ZNF544: variants seen among roughly 807,000 people sequenced by gnomAD.
ZNF544 encodes the protein zinc finger protein 544.
In ZNF544, 10 loss-of-function variants were observed where a neutral mutation model predicts 13.5. The ratio of observed to expected loss-of-function variants is 0.74; its 90% CI spans 0.46 to 1.25. The LOEUF is 1.25. ZNF544 is among the 50% of genes most tolerant of loss of function. The pLI is 0.00. For synonymous variants in ZNF544, 323 were observed against 300.5 expected, an observed-to-expected ratio of 1.07 and a Z score of -0.77; for missense variants, 896 against 845.6, an observed-to-expected ratio of 1.06 and a Z score of -0.74.
intron 3 of ZNF544, among the ~76,000 whole-genome samples, chr19:58,237,790 C>T (rs754971396): frequency 1.6e-4 from 25 of 152,188 alleles, no homozygotes; most frequent in Non-Finnish European, 3.1e-4. Flanking sequence ...GGCCAGTATT[C>T]GGCATGGAGG....
At chr19:58,233,969 C>T (rs2041881659) in intron 3 of ZNF544, among the ~76,000 whole-genome samples, 1 of 152,164 alleles carries the variant, frequency 6.6e-6, no homozygotes, top group Admixed American at 6.6e-5. Context: ...ATTTAGCCTC[C>T]ACTCCCAATT....
intron 3 of ZNF544, among the ~76,000 whole-genome samples, chr19:58,241,181 T>TATTTAAATATATATATATATATATATA (rs60251692): frequency 3.5e-4 from 18 of 51,268 alleles, no homozygotes; most frequent in East Asian, 2.6e-3. Context: ...ATATATATAT[T>TATTTAAATATATATATATATATATATA]TTTTTTTTTT....
chr19:58,274,945 C>T (rs1011089598), intron 5 of ZNF544, among the ~76,000 whole-genome samples: 1 of 151,780 alleles, frequency 6.6e-6, no homozygotes, highest in African/African-American at 2.4e-5. Flanking sequence ...AAAGAAACCA[C>T]AGAATAACAA....
At chr19:58,259,256 A>G (rs2048369476) in intron 6 of ZNF544, 5 of 152,246 alleles carry the variant, frequency 3.3e-5, no homozygotes, top group Admixed American at 2.6e-4. Context: ...GAATGCTTAA[A>G]TAAGTTTTTC....
chr19:58,240,122 T>C (rs2043248658), intron 3 of ZNF544, among the ~76,000 whole-genome samples: 1 of 152,122 alleles, frequency 6.6e-6, no homozygotes, highest in African/African-American at 2.4e-5. Context: ...TAAATTACTT[T>C]GGTTACTCAG....
intron 3 of ZNF544, among the ~76,000 whole-genome samples, chr19:58,236,598 A>G (rs1022274035): frequency 3.3e-5 from 5 of 152,140 alleles, no homozygotes; most frequent in African/African-American, 9.7e-5. Context: ...AGTACAGAGT[A>G]TCTTGTGTGC....
intron 6 of ZNF544, among the ~76,000 whole-genome samples, chr19:58,255,262 G>A (rs1017964484): frequency 4.6e-5 from 7 of 151,724 alleles, no homozygotes; most frequent in African/African-American, 1.5e-4. Context: ...TGCAACCTCC[G>A]CCTCCCGAGT....
rs765622951 is a variant in ZNF544 at position 58,261,418 on chromosome 19, A to T, written c.812A>T (p.Asp271Val). ...GRTFSVKKSDDCKDYGNLFSH... is the reference protein window; with the variant it reads ...GRTFSVKKSDVCKDYGNLFSH... Reference sequence around the variant, plus strand: ...ACTTTTTCAGTGAAGAAAAGTGATGACTGTAAGGATTATGGAAACCTCTTC... The same window carrying T: ...ACTTTTTCAGTGAAGAAAAGTGATGTCTGTAAGGATTATGGAAACCTCTTC... The change falls in exon 7 of 7, where the codon GAC becomes GTC. Residue 271 changes from aspartate to valine, a missense_variant. Transcript: ENST00000687789. 6 of 1,614,184 alleles carry T rather than the reference A, an allele frequency of 3.7e-6. No homozygotes were observed. The highest frequency in any genetic ancestry group is 1.1e-5 in the South Asian group (1 of 91,086).
chr19:58,262,672 A>T lies in ZNF544; in HGVS notation c.2066A>T (p.Glu689Val). The T allele has an allele frequency of 6.2e-7, 1 of 1,613,240 alleles. No individual in the cohort carries two copies. Among genetic ancestry groups the T allele is most frequent in the Non-Finnish European group, 8.5e-7 (1 of 1,179,346 alleles). ...ATTCATTCTGGAGAGAAACCCTATG[A>T]ATGTAGTGACTGTGGGAAATCCTTC... is the stretch of plus-strand genomic sequence containing the variant. The part of the protein sequence containing the change: ...HRIHSGEKPY[E>V]CSDCGKSFRQ... Residue 689 changes from glutamate (E) to valine (V), a missense_variant, in exon 7 of 7, where the codon GAA becomes GTA. Coordinates refer to ENST00000687789, the MANE Select transcript of ZNF544 (RefSeq NM_014480.4).
At chr19:58,253,158 G>C (rs2046590201) in intron 6 of ZNF544, among the ~76,000 whole-genome samples, 1 of 152,162 alleles carries the variant, frequency 6.6e-6, no homozygotes, top group African/African-American at 2.4e-5. Context: ...GATATCCAAT[G>C]AACATCAAAA....
Position 58,263,353 on chromosome 19 carries a change from C to A in ZNF544, c.*599C>A. ...GCGCATACCTGTAGTCCTAGCTACTCAGGAGGCTGAGGTGGGAGGATCACT... is the reference window on the plus strand; with the variant it reads ...GCGCATACCTGTAGTCCTAGCTACTAAGGAGGCTGAGGTGGGAGGATCACT... On this transcript the variant is annotated 3_prime_UTR_variant, in exon 7 of 7. Transcript: ENST00000687789. 2 of 903,614 alleles carry A rather than the reference C, an allele frequency of 2.2e-6. No homozygotes were observed. The highest frequency in any genetic ancestry group is 2.6e-6 in the Non-Finnish European group (2 of 755,506). The allele number at this position is 903,614 out of a possible 1,614,324, so 56.0% of individuals were successfully genotyped here.
rs545453957 is a variant in ZNF544 at position 58,263,226 on chromosome 19, C to T, written c.*472C>T. On this transcript the variant is annotated 3_prime_UTR_variant, in exon 7 of 7. Coordinates refer to ENST00000687789, the MANE Select transcript of ZNF544 (RefSeq NM_014480.4). ...TTGTAATCCCAGCAGTTTGCGAGGC[C>T]GAGGCAGGTGGATCACTTGAGCCCA... 10 of 982,076 alleles carry T rather than the reference C, an allele frequency of 1.0e-5. 1 individual carries two copies. In the Middle Eastern group the frequency reaches 1.6e-3, roughly 155 times the overall value. The allele number at this position is 982,076 out of a possible 1,614,324, so 60.8% of individuals were successfully genotyped here.
At chr19:58,264,730 G>A (rs2049627348), downstream of ZNF544, among the ~76,000 whole-genome samples, 8 of 148,730 alleles carry the variant, frequency 5.4e-5, 1 homozygote, top group South Asian at 8.6e-4. Context: ...TGAGCTGGCT[G>A]TAATGGCTCA....
In ZNF544 at chr19:58,263,631, C is replaced by T. The variant is rs1470299149; in HGVS notation, c.*877C>T. The stretch of plus-strand genomic sequence containing the variant: ...TCACTCTAGCCAACTAAATAAAAAT[C>T]TCTGGCAGTAAAATCCAGGAGTCTG... On this transcript the variant is annotated 3_prime_UTR_variant, in exon 7 of 7. Transcript: ENST00000687789. 1.0e-6 allele frequency: 1 copy of T among 966,300 alleles called. No homozygotes were observed. Among genetic ancestry groups the T allele is most frequent in the Non-Finnish European group, 1.2e-6 (1 of 812,744 alleles). 59.9% of individuals were successfully genotyped at this position (966,300 alleles called of 1,614,324 possible).
chr19:58,239,259 A>G lies in ZNF544; in HGVS notation c.-59-4706A>G, dbSNP rs2043055344. 2.0e-5 allele frequency among the ~76,000 whole-genome samples: 3 copies of G among 152,114 alleles called. No homozygotes were observed. In the South Asian group the frequency reaches 6.2e-4, roughly 32 times the overall value. ...CCAGATCATCCTCTAGGGCTGCCCCATGAGCTGTAGAATGTTTTACACCTT... is the reference window on the plus strand; with the variant it reads ...CCAGATCATCCTCTAGGGCTGCCCCGTGAGCTGTAGAATGTTTTACACCTT... On this transcript the variant is annotated intron_variant, in intron 3 of 6. Coordinates refer to ENST00000687789, the MANE Select transcript of ZNF544 (RefSeq NM_014480.4).
At chr19:58,268,938 C>CT (rs2050267911), downstream of ZNF544, among the ~76,000 whole-genome samples, 1 of 152,154 alleles carries the variant, frequency 6.6e-6, no homozygotes, top group Non-Finnish European at 1.5e-5. Flanking sequence ...ATAAAAGAAA[C>CT]TATTATTTTT....
In ZNF544 at chr19:58,262,568, C is replaced by T. The variant is rs774427929; in HGVS notation, c.1962C>T (p.His654=). The T allele has an allele frequency of 9.3e-6, 15 of 1,614,194 alleles. No homozygotes were observed. The highest frequency in any genetic ancestry group is 1.3e-5 in the Non-Finnish European group (15 of 1,180,030). The change falls in exon 7 of 7, where the codon CAC becomes CAT. Residue 654 remains histidine (H), a synonymous_variant. Transcript: ENST00000687789. ...ACCTTGTGATGCATCAGAGAACTCA[C>T]ACTGGTGAGAAACCTTTTGAGTGTA... ...SSYLVMHQRT[H]TGEKPFECSQ...
intron 6 of ZNF544, 46 bp downstream of exon 6, chr19:58,246,840 G>A: frequency 6.3e-7 from 1 of 1,588,904 alleles, no homozygotes; most frequent in Non-Finnish European, 8.6e-7. Context: ...TAACAAGCTT[G>A]GACAGAGAGC....
chr19:58,270,490 C>G (rs1164714289), intron 5 of ZNF544, among the ~76,000 whole-genome samples: 2 of 152,082 alleles, frequency 1.3e-5, no homozygotes, highest in African/African-American at 2.4e-5. Flanking sequence ...TTAGTAGACA[C>G]AGGGTTTCAC....
Sources: allele counts gnomAD v4.1 joint callset (sites outside exome capture counted in the v4.1 genomes callset), GRCh38; gene constraint gnomAD v4.1.1; transcripts MANE v1.5; gene names NCBI Gene and HGNC (gene_info 2026-07-23, HGNC 2026-07-21).